Variants in MCU observed in about 807,000 individuals in gnomAD.
MCU encodes the protein mitochondrial calcium uniporter.
A neutral mutation model predicts 45.2 loss-of-function variants in MCU; 12 were observed. That is an observed-to-expected ratio of 0.27 (90% confidence interval 0.17 to 0.43). The LOEUF (loss-of-function observed/expected upper bound fraction) is 0.43, where lower values mean the gene tolerates loss of function less well. Among genes scored for constraint, MCU ranks in the 20% least tolerant of loss-of-function variants. MCU has a pLI of 1.00. For missense variants in MCU, 324 were observed against 436.7 expected (o/e 0.74, Z 2.30); for synonymous variants, 160 against 165.1 (o/e 0.97, Z 0.24).
chr10:72,852,911 T>G (rs186861260), intron 2 of MCU, among the ~76,000 whole-genome samples: 1 of 152,332 alleles, frequency 6.6e-6, no homozygotes, highest in Non-Finnish European at 1.5e-5. Context: ...AGTAGAGAGA[T>G]AGCCTTGGAC....
chr10:72,885,979 T>G lies in MCU; in HGVS notation c.*157T>G. 8 of 601,364 alleles carry G rather than the reference T, an allele frequency of 1.3e-5. No individual in the cohort carries two copies. The highest frequency in any genetic ancestry group is 5.9e-6 in the Non-Finnish European group (2 of 338,982). The allele number at this position is 601,364 out of a possible 1,614,324, so 37.3% of individuals were successfully genotyped here. ...AAGGATCTGAGGGAAGAAGGGAATG[T>G]TAAAACCTGAGGATCAGGCATTGTG... is the stretch of plus-strand genomic sequence containing the variant. On this transcript the variant is annotated 3_prime_UTR_variant, in exon 8 of 8. Coordinates refer to ENST00000373053, the MANE Select transcript of MCU (RefSeq NM_138357.3).
At chr10:72,715,239 T>G in intron 1 of MCU, 1 of 903,436 alleles carries the variant, frequency 1.1e-6, no homozygotes. Context: ...AAGTGCCTTT[T>G]TTACTATTTG....
chr10:72,848,969 C>T (rs1430076607), intron 2 of MCU, among the ~76,000 whole-genome samples: 1 of 151,818 alleles, frequency 6.6e-6, no homozygotes, highest in African/African-American at 2.4e-5. Flanking sequence ...TATCAGAGGG[C>T]TTAGAGCTGT....
intron 1 of MCU, among the ~76,000 whole-genome samples, chr10:72,781,264 C>T (rs1843989649): frequency 1.3e-5 from 2 of 152,208 alleles, no homozygotes; most frequent in Non-Finnish European, 2.9e-5. Flanking sequence ...GCCAATAGGA[C>T]ATCTTTGTTT....
intron 1 of MCU, among the ~76,000 whole-genome samples, chr10:72,806,440 G>A (rs995329505): frequency 1.3e-5 from 2 of 152,154 alleles, no homozygotes; most frequent in Non-Finnish European, 2.9e-5. Context: ...AATTACAGGC[G>A]TGAGCCACCG....
At chr10:72,731,574 A>G (rs1173491407) in intron 1 of MCU, among the ~76,000 whole-genome samples, 1 of 151,838 alleles carries the variant, frequency 6.6e-6, no homozygotes, top group Non-Finnish European at 1.5e-5. Context: ...TGTTTCCATC[A>G]CTGCAGGAAA....
intron 1 of MCU, among the ~76,000 whole-genome samples, chr10:72,777,921 G>A (rs182914464): frequency 6.6e-6 from 1 of 152,254 alleles, no homozygotes; most frequent in East Asian, 1.9e-4. Flanking sequence ...CCAAATAGGT[G>A]TGTGAAAAAT....
rs1474650732 is a variant in MCU at position 72,885,200 on chromosome 10, T to C, written c.979-545T>C. Reference sequence around the variant, plus strand: ...ACATCAGAATCATGCCTGGAGCTGTTAAAAGTACAGATGCTTCAGTCTCAC... The same window carrying C: ...ACATCAGAATCATGCCTGGAGCTGTCAAAAGTACAGATGCTTCAGTCTCAC... On this transcript the variant is annotated intron_variant, in intron 7 of 7. Coordinates refer to ENST00000373053, the MANE Select transcript of MCU (RefSeq NM_138357.3). Among the ~76,000 whole-genome samples, 3 of 152,218 alleles carry C rather than the reference T, an allele frequency of 2.0e-5. No homozygotes were observed. The East Asian group carries it at 5.8e-4, about 29-fold the overall frequency.
chr10:72,759,320 C>T (rs1188159692), intron 1 of MCU, among the ~76,000 whole-genome samples: 1 of 152,032 alleles, frequency 6.6e-6, no homozygotes, highest in Admixed American at 6.6e-5. Context: ...GTAATTAGAT[C>T]GGAACAAAAC....
At chr10:72,788,299 C>G (rs141344759) in intron 1 of MCU, among the ~76,000 whole-genome samples, 1 of 152,098 alleles carries the variant, frequency 6.6e-6, no homozygotes, top group Non-Finnish European at 1.5e-5. Context: ...AGTGAAAACA[C>G]AAACACATAG....
At chr10:72,698,705 A>G (rs1255920832) in intron 1 of MCU, among the ~76,000 whole-genome samples, 5 of 152,158 alleles carry the variant, frequency 3.3e-5, no homozygotes, top group South Asian at 2.1e-4. Flanking sequence ...GTGTCTCACC[A>G]TGTTGGCCAG....
At chr10:72,699,981 C>T (rs529015891) in intron 1 of MCU, among the ~76,000 whole-genome samples, 1 of 152,058 alleles carries the variant, frequency 6.6e-6, no homozygotes, top group South Asian at 2.1e-4. Context: ...AATTCTTTTC[C>T]TACTAAATTA....
intron 1 of MCU, among the ~76,000 whole-genome samples, chr10:72,785,137 A>G (rs1181094854): frequency 6.6e-6 from 1 of 152,128 alleles, no homozygotes; most frequent in East Asian, 1.9e-4. Flanking sequence ...ACATTTCCAC[A>G]TATATTACAC....
intron 1 of MCU, among the ~76,000 whole-genome samples, chr10:72,768,564 C>T (rs1843760555): frequency 6.6e-6 from 1 of 152,100 alleles, no homozygotes; most frequent in Admixed American, 6.6e-5. Context: ...ACTAAGTTAG[C>T]ATGATGATAG....
At chr10:72,786,023 A>G (rs560577520) in intron 1 of MCU, among the ~76,000 whole-genome samples, 1 of 152,332 alleles carries the variant, frequency 6.6e-6, no homozygotes, top group African/African-American at 2.4e-5. Flanking sequence ...GGGACTGAAC[A>G]AGCACTGTGT....
At chr10:72,819,189 A>G (rs1328649034) in intron 1 of MCU, among the ~76,000 whole-genome samples, 2 of 152,202 alleles carry the variant, frequency 1.3e-5, no homozygotes, top group African/African-American at 4.8e-5. Context: ...TATTTTGACA[A>G]ATCAAGTGAG....
At chr10:72,870,954 G>A (rs1411027627) in intron 5 of MCU, among the ~76,000 whole-genome samples, 1 of 152,164 alleles carries the variant, frequency 6.6e-6, no homozygotes, top group African/African-American at 2.4e-5. Flanking sequence ...AGGCTGGAGT[G>A]CAGTGGTGTG....
At chr10:72,865,968 G>A (rs761168882) in intron 4 of MCU, among the ~76,000 whole-genome samples, 75 of 151,182 alleles carry the variant, frequency 5.0e-4, no homozygotes, top group Non-Finnish European at 7.0e-4. Flanking sequence ...TAGTAGAGAC[G>A]GGGTTTCACC....
intron 2 of MCU, among the ~76,000 whole-genome samples, chr10:72,844,687 T>C (rs1290855692): frequency 6.6e-6 from 1 of 152,212 alleles, no homozygotes; most frequent in African/African-American, 2.4e-5. Flanking sequence ...GACAATCTTA[T>C]ATTTTGTCTA....
Sources: allele counts gnomAD v4.1 joint callset (sites outside exome capture counted in the v4.1 genomes callset), GRCh38; gene constraint gnomAD v4.1.1; transcripts MANE v1.5; gene names NCBI Gene and HGNC (gene_info 2026-07-23, HGNC 2026-07-21).